Variants in SSC5D observed in about 807,000 individuals in gnomAD.
SSC5D encodes the protein soluble scavenger receptor cysteine-rich domain-containing protein SSC5D.
SSC5D carries 106 observed loss-of-function variants against 104.6 expected under a neutral mutation model. The ratio of observed to expected loss-of-function variants is 1.01; its 90% CI spans 0.87 to 1.19. The LOEUF (loss-of-function observed/expected upper bound fraction) is 1.19, where lower values mean the gene tolerates loss of function less well. SSC5D is among the 50% of genes most tolerant of loss of function. SSC5D has a pLI of 0.00. For missense variants in SSC5D, 1,993 were observed against 2,153.8 expected (o/e 0.93, Z 1.48); for synonymous variants, 860 against 883.5 (o/e 0.97, Z 0.47).
chr19:55,508,935 A>G (rs951416534), intron 12 of SSC5D, among the ~76,000 whole-genome samples: 27 of 142,720 alleles, frequency 1.9e-4, no homozygotes, highest in Non-Finnish European at 4.0e-4. Flanking sequence ...ACTCCTATAC[A>G]GCAGGGATGG....
intron 12 of SSC5D, among the ~76,000 whole-genome samples, chr19:55,512,060 C>T (rs776977871): frequency 2.0e-4 from 31 of 151,726 alleles, no homozygotes; most frequent in Admixed American, 7.2e-4. Context: ...TTGTTGAGGC[C>T]GGGCACGGTG....
At chr19:55,490,251 AAGG>A in intron 4 of SSC5D, 44 bp from the exon 5 acceptor site, 1 of 678,974 alleles carries the variant, frequency 1.5e-6, no homozygotes, top group Middle Eastern at 2.9e-4. Context: ...AGGTGGGAGG[AAGG>A]ATGAGGGGCT....
chr19:55,510,991 C>T (rs562506), intron 12 of SSC5D, among the ~76,000 whole-genome samples: 150,582 of 152,074 alleles, frequency 0.99, 74,591 homozygotes, highest in Non-Finnish European at 1. Context: ...GTTGGCCAGG[C>T]TGGTCTTGAA....
At position 55,503,183 on chromosome 19, in the gene SSC5D, G is replaced by C. The variant is rs749435999; in HGVS notation, c.2785+1982G>C. Among the ~76,000 whole-genome samples, 5 of 151,960 alleles carry C rather than the reference G, an allele frequency of 3.3e-5. No homozygotes were observed. Among genetic ancestry groups the C allele is most frequent in the African/African-American group, 1.2e-4 (5 of 41,370 alleles). On this transcript the variant is annotated intron_variant, in intron 12 of 13. Transcript: ENST00000389623. The surrounding 1 kb of genome is among the most constrained non-coding windows in gnomAD (Gnocchi z 4.0). ...CTCAAACTCTTGGGCTCAAGTCATC[G>C]GCTTGCTGCGGCCTCCCAAAGTGCT...
chr19:55,489,771 C>A, intron 3 of SSC5D, 109 bp downstream of exon 3: 1 of 1,483,008 alleles, frequency 6.7e-7, no homozygotes, highest in Non-Finnish European at 9.2e-7. Flanking sequence ...CAGAGACACC[C>A]AACCTCCCAT....
In SSC5D at chr19:55,517,659, A is replaced by G; in HGVS notation, c.3383A>G (p.Asp1128Gly). 6.4e-7 allele frequency: 1 copy of G among 1,551,554 alleles called. No individual in the cohort carries two copies. The highest frequency in any genetic ancestry group is 8.7e-7 in the Non-Finnish European group (1 of 1,146,988). Residue 1128 changes from aspartate (D) to glycine (G), a missense_variant, in exon 14 of 14, where the codon GAC (aspartate) becomes GGC (glycine). Physicochemically the swap from Asp to Gly is moderately conservative, Grantham distance 94 (BLOSUM62 -1). Transcript: ENST00000389623. ...VPESDTTPDL[D>G]TTPYSSTVSE... is the part of the protein sequence containing the mutation. ...GAATCTGACACAACCCCAGATTTGG[A>G]CACAACTCCATACTCCAGTACAGTC... is the stretch of plus-strand genomic sequence containing the variant.
At chr19:55,517,200 C>T in intron 13 of SSC5D, 24 bp from the exon 14 acceptor site, 1 of 1,525,818 alleles carries the variant, frequency 6.6e-7, no homozygotes, top group Non-Finnish European at 8.8e-7. Context: ...TCAGACCGTC[C>T]GTCTGTCTTT....
Position 55,518,827 on chromosome 19 carries a change from G to A in SSC5D, c.4551G>A (p.Glu1517=), listed in dbSNP as rs920005213. 2 of 1,550,288 alleles carry A rather than the reference G, an allele frequency of 1.3e-6. No homozygotes were observed. Among genetic ancestry groups the A allele is most frequent in the African/African-American group, 2.7e-5 (2 of 73,046 alleles). ...AGGTCGTGGAACAGGAGCGGCAGGA[G>A]CGCCAAGCCCTGCTGCTGGGGCTGA... is the stretch of plus-strand genomic sequence containing the variant. The part of the protein sequence containing the change: ...LTQVVEQERQ[E]RQALLLGLTQ... The change falls in exon 14 of 14, where the codon GAG becomes GAA. Residue 1517 remains glutamate (E), a synonymous_variant. Coordinates refer to ENST00000389623, the MANE Select transcript of SSC5D (RefSeq NM_001144950.2).
intron 13 of SSC5D, 32 bp from the exon 14 acceptor site, chr19:55,517,192 A>C: frequency 3.3e-5 from 50 of 1,516,958 alleles, no homozygotes; most frequent in Non-Finnish European, 3.9e-5. Context: ...GGTTGACCTC[A>C]GACCGTCCGT....
chr19:55,490,887 A>AGCCT lies in SSC5D; in HGVS notation c.706_709dup (p.Arg237LeufsTer53). The AGCCT allele has an allele frequency of 1.3e-6, 2 of 1,546,178 alleles. No homozygotes were observed. Among genetic ancestry groups the AGCCT allele is most frequent in the Non-Finnish European group, 1.7e-6 (2 of 1,144,754 alleles). ...GCTGGGACCTGCGCGACGCTGCTGT[A>AGCCT]GCCTGCCGGGAACTGGGCTGTGGGG... On this transcript the variant is annotated frameshift_variant, in exon 6 of 14. Transcript: ENST00000389623. LOFTEE classifies it high-confidence loss of function.
In SSC5D at chr19:55,498,154, G is replaced by C. The variant is rs1431583107; in HGVS notation, c.1662G>C (p.Lys554Asn). 3 of 1,551,642 alleles carry C rather than the reference G, an allele frequency of 1.9e-6. No individual in the cohort carries two copies. Among genetic ancestry groups the C allele is most frequent in the African/African-American group, 1.4e-5 (1 of 73,038 alleles). The change falls in exon 9 of 14, where the codon AAG becomes AAC. Residue 554 changes from lysine (K) to asparagine (N), a missense_variant. Lys to Asn is a moderately conservative substitution (Grantham distance 94). Around this residue, in one of 6 missense-constraint regions of SSC5D, gnomAD observed 1,101 missense variants for 1,085.0 expected, o/e 1.01. Transcript: ENST00000389623. Reference sequence around the variant, plus strand: ...ACTGCCCTGCTGCTCCCTGGGGAAAGCACAACTGCGCTCACAATGAGGATG... The same window carrying C: ...ACTGCCCTGCTGCTCCCTGGGGAAACCACAACTGCGCTCACAATGAGGATG... ...LSDCPAAPWGKHNCAHNEDVG... is the reference protein window; with the variant it reads ...LSDCPAAPWGNHNCAHNEDVG...
Position 55,519,047 on chromosome 19 carries a change from A to G in SSC5D, c.*49A>G. On this transcript the variant is annotated 3_prime_UTR_variant, in exon 14 of 14. Coordinates refer to ENST00000389623, the MANE Select transcript of SSC5D (RefSeq NM_001144950.2). ...TAAGACACCCCCAACCAAAAAAAAC[A>G]AAAACAAAAAAAACCCCCAAAGTAT... 6.7e-7 allele frequency: 1 copy of G among 1,495,014 alleles called. No homozygotes were observed. Among genetic ancestry groups the G allele is most frequent in the Non-Finnish European group, 8.9e-7 (1 of 1,119,584 alleles). The allele number at this position is 1,495,014 out of a possible 1,614,324, so 92.6% of individuals were successfully genotyped here. A position where few individuals can be genotyped will look rare whatever the true frequency, so the allele number is the denominator to read the frequency against.
chr19:55,498,040 A>G lies in SSC5D; in HGVS notation c.1548A>G (p.Pro516=). The G allele has an allele frequency of 6.4e-7, 1 of 1,551,766 alleles. No homozygotes were observed. Among genetic ancestry groups the G allele is most frequent in the South Asian group, 1.2e-5 (1 of 84,066 alleles). ...RELGCGGPQQ[P]DPAAGRFGWG... ...TGGGCTGTGGTGGACCTCAGCAGCCAGACCCTGCTGCTGGCCGCTTTGGCT... is the reference window on the plus strand; with the variant it reads ...TGGGCTGTGGTGGACCTCAGCAGCCGGACCCTGCTGCTGGCCGCTTTGGCT... Residue 516 remains proline, a synonymous_variant, in exon 9 of 14, where the codon CCA becomes CCG. Transcript: ENST00000389623.
intron 1 of SSC5D, 55 bp from the exon 2 acceptor site, chr19:55,488,951 A>G: frequency 5.0e-6 from 4 of 795,266 alleles, no homozygotes; most frequent in Non-Finnish European, 6.2e-6. Context: ...CGCTGGAGAA[A>G]GGGCCACCCC....
In SSC5D at chr19:55,517,787, G is replaced by C; in HGVS notation, c.3511G>C (p.Val1171Leu). The change falls in exon 14 of 14, where the codon GTG becomes CTG. Residue 1171 changes from valine (V) to leucine (L), a missense_variant. By Grantham distance (32) the Val-to-Leu change is conservative. Coordinates refer to ENST00000389623, the MANE Select transcript of SSC5D (RefSeq NM_001144950.2). ...PDPITTLNPT[V>L]TPHFPTTPHP... ...CCCCATCACAACCCTTAACCCTACT[G>C]TGACCCCTCACTTCCCTACCACCCC... The C allele has an allele frequency of 7.1e-7, 1 of 1,403,840 alleles. No individual in the cohort carries two copies. Among genetic ancestry groups the C allele is most frequent in the Non-Finnish European group, 9.4e-7 (1 of 1,064,946 alleles). 87.0% of individuals were successfully genotyped at this position (1,403,840 alleles called of 1,614,324 possible).
In SSC5D at chr19:55,518,120, C is replaced by G. The variant is rs200073261; in HGVS notation, c.3844C>G (p.His1282Asp). ...GATGCCTCATCCCACCACGACCCCTCACCCCACCACGACTCCTCACCCCAC... is the reference window on the plus strand; with the variant it reads ...GATGCCTCATCCCACCACGACCCCTGACCCCACCACGACTCCTCACCCCAC... The part of the protein sequence containing the change: ...TTMPHPTTTP[H>D]PTTTPHPTTT... Residue 1282 changes from histidine to aspartate, a missense_variant, in exon 14 of 14, where the codon CAC becomes GAC. By Grantham distance (81) the His-to-Asp change is moderately conservative. This residue lies in a region of SSC5D where 349 missense variants were observed against 397.6 expected (regional missense o/e 0.88). Coordinates refer to ENST00000389623, the MANE Select transcript of SSC5D (RefSeq NM_001144950.2). 2.5e-4 allele frequency: 367 copies of G among 1,461,040 alleles called. 1 individual carries two copies. Among genetic ancestry groups the G allele is most frequent in the Non-Finnish European group, 3.2e-4 (348 of 1,084,752 alleles). 90.5% of individuals were successfully genotyped at this position (1,461,040 alleles called of 1,614,324 possible).
chr19:55,511,382 C>G (rs1431664827), intron 12 of SSC5D, among the ~76,000 whole-genome samples: 6 of 152,036 alleles, frequency 3.9e-5, no homozygotes, highest in Admixed American at 3.3e-4. Flanking sequence ...TGCCCTTCTG[C>G]CTGGTTTTGC....
At chr19:55,493,022 C>T (rs920558588) in intron 6 of SSC5D, among the ~76,000 whole-genome samples, 2 of 151,970 alleles carry the variant, frequency 1.3e-5, no homozygotes, top group Non-Finnish European at 2.9e-5. Context: ...ATAGTGAGAT[C>T]CCCTCCCCCC....
chr19:55,500,639 G>C lies in SSC5D; in HGVS notation c.2452G>C (p.Val818Leu), dbSNP rs1045805523. The change falls in exon 11 of 14, where the codon GTC becomes CTC. Residue 818 changes from valine (V) to leucine (L), a missense_variant. By Grantham distance (32) the Val-to-Leu change is conservative. Around this residue, in one of 6 missense-constraint regions of SSC5D, gnomAD observed 70 missense variants for 107.1 expected, o/e 0.65. Coordinates refer to ENST00000389623, the MANE Select transcript of SSC5D (RefSeq NM_001144950.2). The surrounding 1 kb of genome is among the most constrained non-coding windows in gnomAD (Gnocchi z 4.6). ...CTGCTGGGAACTGGGCTGTGGAAAG[G>C]TCCGGCCTCGAGTAGGCAAAACCCA... is the stretch of plus-strand genomic sequence containing the variant. ...VACWELGCGK[V>L]RPRVGKTHYG... is the part of the protein sequence containing the mutation. 6 of 1,551,666 alleles carry C rather than the reference G, an allele frequency of 3.9e-6. No homozygotes were observed. In the Admixed American group the frequency reaches 5.9e-5, roughly 15 times the overall value.
Sources: gnomAD v4.1 joint callset for allele counts (sites outside exome capture counted in the v4.1 genomes callset) on GRCh38, gnomAD v4.1.1 for gene constraint, gnomAD v4.1.1 regional missense constraint, Gnocchi (gnomAD v3.1) non-coding constraint, MANE v1.5 for transcripts, NCBI Gene and HGNC (gene_info 2026-07-23, HGNC 2026-07-21) for gene names.